The following ADAMTSL1 variants were observed in gnomAD, a reference collection of about 807,000 sequenced individuals.
ADAMTSL1 encodes ADAMTS like 1.
In ADAMTSL1, 126 loss-of-function variants were observed where a neutral mutation model predicts 201.8. That is an observed-to-expected ratio of 0.62 (90% CI 0.54 to 0.72). The LOEUF is 0.72. Ranked by LOEUF, ADAMTSL1 falls within the 30% of genes least tolerant of loss-of-function variation. The pLI, the probability that ADAMTSL1 is intolerant of heterozygous loss-of-function variation, is 0.00. For synonymous variants in ADAMTSL1, 1,121 were observed against 903.4 expected (o/e 1.24, Z -4.32); for missense variants, 2,679 against 2,277.8 (o/e 1.18, Z -3.59).
intron 1 of ADAMTSL1, among the ~76,000 whole-genome samples, chr9:18,059,033 T>C (rs1416982654): frequency 6.6e-6 from 1 of 152,232 alleles, no homozygotes; most frequent in East Asian, 1.9e-4. Flanking sequence ...TGCTTAGTGT[T>C]TGCTTAAGAT....
chr9:18,905,787 T>C lies in ADAMTSL1; in HGVS notation c.4857T>C (p.Asn1619=). 2.5e-6 allele frequency: 4 copies of C among 1,612,620 alleles called. No homozygotes were observed. The highest frequency in any genetic ancestry group is 3.4e-6 in the Non-Finnish European group (4 of 1,179,262). ...TACCTTTTTCTGCTTTCCAGTGCAA[T>C]GGGCCTTGCATCGGGCCTCACCTAG... is the stretch of plus-strand genomic sequence containing the variant. ...EWAFSSWGQC[N]GPCIGPHLAV... Residue 1619 remains asparagine, a synonymous_variant, in exon 27 of 29, where the codon AAT becomes AAC. Transcript: ENST00000380548.
chr9:18,019,185 G>A (rs1325540856), intron 1 of ADAMTSL1, among the ~76,000 whole-genome samples: 1 of 151,932 alleles, frequency 6.6e-6, no homozygotes, highest in African/African-American at 2.4e-5. Flanking sequence ...TAATGAACTG[G>A]GTAACTTCTA....
chr9:18,453,788 T>G (rs181052125), intron 2 of ADAMTSL1, among the ~76,000 whole-genome samples: 9 of 152,290 alleles, frequency 5.9e-5, no homozygotes, highest in Admixed American at 5.2e-4. Context: ...TTTTTGTATC[T>G]CTGTAAACAG....
chr9:18,168,886 G>C (rs1225711636), intron 2 of ADAMTSL1, among the ~76,000 whole-genome samples: 8 of 151,304 alleles, frequency 5.3e-5, no homozygotes, highest in Non-Finnish European at 8.9e-5. Flanking sequence ...GTGATGATGA[G>C]CATTTTTTCA....
At chr9:18,142,168 C>T (rs1286823191) in intron 1 of ADAMTSL1, among the ~76,000 whole-genome samples, 5 of 152,154 alleles carry the variant, frequency 3.3e-5, no homozygotes, top group South Asian at 4.1e-4. Context: ...CTCCTGCCTG[C>T]GGTATCTTCT....
At chr9:18,778,026 G>A in intron 19 of ADAMTSL1, 120 bp downstream of exon 19, 3 of 1,329,964 alleles carry the variant, frequency 2.3e-6, no homozygotes, top group Non-Finnish European at 2.0e-6. Context: ...CTGGCCTCGG[G>A]GACCCCATCA....
chr9:18,619,312 T>A lies in ADAMTSL1; in HGVS notation c.475-2931T>A, dbSNP rs115790101. 9.4e-3 allele frequency among the ~76,000 whole-genome samples: 1,434 copies of A among 152,126 alleles called. 18 individuals are homozygous for A. Among genetic ancestry groups the A allele is most frequent in the African/African-American group, 0.033 (1,382 of 41,504 alleles). On this transcript the variant is annotated intron_variant, in intron 4 of 28. Transcript: ENST00000380548. ...AAACAATTTTCCACTTGGACCAAAG[T>A]AAGAACATTTTATCTGATATAAAGT...
intron 1 of ADAMTSL1, among the ~76,000 whole-genome samples, chr9:17,946,052 A>C (rs1827456385): frequency 9.3e-6 from 1 of 107,492 alleles, no homozygotes; most frequent in Non-Finnish European, 1.9e-5. Context: ...TAAGCTCATG[A>C]TGTGTATGTG....
intron 19 of ADAMTSL1, among the ~76,000 whole-genome samples, chr9:18,785,832 T>C (rs556844456): frequency 3.3e-4 from 51 of 152,368 alleles, no homozygotes; most frequent in Non-Finnish European, 5.9e-4. Context: ...GCTGACTTCC[T>C]TGTAGAAGAG....
chr9:18,424,190 A>G (rs575974737), intron 2 of ADAMTSL1, among the ~76,000 whole-genome samples: 16 of 152,232 alleles, frequency 1.1e-4, no homozygotes, highest in Non-Finnish European at 2.1e-4. Context: ...AAGCTGAACT[A>G]TTAGTGTTTC....
chr9:17,955,788 T>G (rs1827906137), intron 1 of ADAMTSL1, among the ~76,000 whole-genome samples: 2 of 152,150 alleles, frequency 1.3e-5, no homozygotes, highest in African/African-American at 4.8e-5. Flanking sequence ...TAAATTAAAT[T>G]TTATCATAGT....
rs549390146 is a variant in ADAMTSL1, at chr9:17,985,916, C to T, written c.87+78994C>T. 2.1e-3 allele frequency among the ~76,000 whole-genome samples: 324 copies of T among 152,174 alleles called. 2 individuals are homozygous for T. Among genetic ancestry groups the T allele is most frequent in the Admixed American group, 5.2e-3 (79 of 15,270 alleles). On this transcript the variant is annotated intron_variant, in intron 1 of 29. Coordinates refer to the ADAMTSL1 transcript ENST00000680146. ...CTGAAATGCGTTGGCTATGACAAGC[C>T]AGAATCCTGGCCCAGGACTCTTGTT...
At chr9:18,443,636 G>A (rs1165272012) in intron 2 of ADAMTSL1, among the ~76,000 whole-genome samples, 1 of 152,102 alleles carries the variant, frequency 6.6e-6, no homozygotes, top group African/African-American at 2.4e-5. Flanking sequence ...ATCAGTTCAG[G>A]GTGAATGAAA....
At chr9:18,640,424 C>A (rs939939141) in intron 7 of ADAMTSL1, among the ~76,000 whole-genome samples, 1 of 152,028 alleles carries the variant, frequency 6.6e-6, no homozygotes, top group African/African-American at 2.4e-5. Flanking sequence ...TTAAATAGAC[C>A]AAGTATACTA....
At chr9:17,916,634 A>G (rs539080151) in intron 1 of ADAMTSL1, among the ~76,000 whole-genome samples, 85 of 152,258 alleles carry the variant, frequency 5.6e-4, no homozygotes, top group Middle Eastern at 3.4e-3. Context: ...GCGTAGGTCT[A>G]TTTTTGGATT....
rs79392438 is a variant in ADAMTSL1 at position 18,141,118 on chromosome 9, G to A, written c.88-22744G>A. ...GTGACTGATGCCAAGCCCTGGGCTC[G>A]AAGCTAGTAGTGTGAAGAGGTCAGA... On this transcript the variant is annotated intron_variant, in intron 1 of 29. Coordinates refer to the ADAMTSL1 transcript ENST00000680146. Among the ~76,000 whole-genome samples the A allele has an allele frequency of 9.9e-3, 1,504 of 152,264 alleles. 21 individuals are homozygous for A. The highest frequency in any genetic ancestry group is 0.033 in the African/African-American group (1,362 of 41,554).
At chr9:18,695,815 A>G (rs551639695) in intron 13 of ADAMTSL1, among the ~76,000 whole-genome samples, 2 of 152,068 alleles carry the variant, frequency 1.3e-5, no homozygotes, top group Non-Finnish European at 2.9e-5. Flanking sequence ...CTTGATAGCC[A>G]TTTTCTGTAT....
chr9:18,284,783 C>A (rs1305953687), intron 2 of ADAMTSL1, among the ~76,000 whole-genome samples: 4 of 152,156 alleles, frequency 2.6e-5, no homozygotes, highest in Admixed American at 2.6e-4. Flanking sequence ...TATTTTTTAT[C>A]CAGAAAGCAG....
At chr9:18,818,216 A>T (rs1823985233) in intron 21 of ADAMTSL1, among the ~76,000 whole-genome samples, 1 of 152,028 alleles carries the variant, frequency 6.6e-6, no homozygotes, top group African/African-American at 2.4e-5. Context: ...TAGTCTTCTG[A>T]TTGCTGTCCT....
Sources: gnomAD v4.1 joint callset for allele counts (sites outside exome capture counted in the v4.1 genomes callset) on GRCh38, gnomAD v4.1.1 for gene constraint, MANE v1.5 for transcripts, NCBI Gene and HGNC (gene_info 2026-07-23, HGNC 2026-07-21) for gene names.